The following DHX32 variants were observed in gnomAD, a reference collection of about 807,000 sequenced individuals.
DHX32 encodes putative pre-mRNA-splicing factor ATP-dependent RNA helicase DHX32.
DHX32 carries 51 observed loss-of-function variants against 70.0 expected under a neutral mutation model. The observed-to-expected ratio is 0.73, with a 90% CI of 0.58 to 0.92. The LOEUF is 0.92. DHX32 is among the 40% of genes least tolerant of loss of function. The pLI is 0.00. For missense variants in DHX32, 762 were observed against 891.8 expected, an observed-to-expected ratio of 0.85 and a Z score of 1.85; for synonymous variants, 310 against 315.3, an observed-to-expected ratio of 0.98 and a Z score of 0.18.
chr10:125,893,952 AATAAGAAAAAGACTAC>A, intron 1 of DHX32, among the ~76,000 whole-genome samples: 1 of 152,328 alleles, frequency 6.6e-6, no homozygotes, highest in African/African-American at 2.4e-5. Flanking sequence ...AAGAGATTTA[AATAAGAAAAAGACTAC>A]ATCTGTCTCT....
At chr10:125,839,289 T>C (rs1001975237) in intron 8 of DHX32, 101 bp from the exon 9 acceptor site, 5 of 1,259,332 alleles carry the variant, frequency 4.0e-6, no homozygotes, top group Non-Finnish European at 5.5e-6. Context: ...TGCTCTCCTC[T>C]CCTACAAAGG....
intron 1 of DHX32, among the ~76,000 whole-genome samples, chr10:125,875,382 A>G (rs1057328697): frequency 6.6e-6 from 1 of 152,218 alleles, no homozygotes; most frequent in Non-Finnish European, 1.5e-5. Flanking sequence ...GGAACATCTT[A>G]CTGAGCCAGA....
upstream of DHX32, chr10:125,896,474 C>T (rs1214194133): frequency 6.8e-5 from 81 of 1,187,232 alleles, no homozygotes; most frequent in African/African-American, 4.8e-5. Flanking sequence ...CGCGCGGGTC[C>T]TCACGCGCTC....
chr10:125,875,212 CTG>C (rs1944277363), intron 1 of DHX32, among the ~76,000 whole-genome samples: 1 of 151,622 alleles, frequency 6.6e-6, no homozygotes, highest in South Asian at 2.1e-4. Flanking sequence ...GAATGAAACA[CTG>C]TCTCAAAAAA....
chr10:125,851,935 A>AG (rs983906846), intron 6 of DHX32, among the ~76,000 whole-genome samples: 3 of 151,502 alleles, frequency 2.0e-5, no homozygotes, highest in African/African-American at 7.3e-5. Context: ...AAAAAAAAAA[A>AG]AAAAAAGAAA....
At chr10:125,860,751 C>CTTT (rs1944181699) in intron 2 of DHX32, among the ~76,000 whole-genome samples, 3 of 80,282 alleles carry the variant, frequency 3.7e-5, no homozygotes, top group South Asian at 4.7e-4. Flanking sequence ...AAACCAATCC[C>CTTT]ATTTTTTTTT....
At chr10:125,867,984 C>A (rs1038145467) in intron 1 of DHX32, among the ~76,000 whole-genome samples, 3 of 151,946 alleles carry the variant, frequency 2.0e-5, no homozygotes, top group African/African-American at 7.3e-5. Context: ...TAACAAATAT[C>A]CAGATAAGCC....
upstream of DHX32, among the ~76,000 whole-genome samples, chr10:125,884,939 T>C (rs1053415470): frequency 6.6e-6 from 1 of 152,174 alleles, no homozygotes; most frequent in African/African-American, 2.4e-5. Context: ...TAATAGGGCC[T>C]AAGTGGTCTC....
intron 4 of DHX32, chr10:125,853,108 A>G: frequency 6.4e-7 from 1 of 1,568,458 alleles, no homozygotes; most frequent in Non-Finnish European, 8.7e-7. Context: ...TGGCACTAAC[A>G]ATGATTTTCC....
rs370241166 is a variant in DHX32 at position 125,849,760 on chromosome 10, C to T, written c.1351+2533G>A. On this transcript the variant is annotated intron_variant, in intron 6 of 10. Transcript: ENST00000284690. ...GTTATATATAGTATAGTAAATGTTA[C>T]GTTAACATTTAAAGATCATTTTGTA... 6.0e-4 allele frequency among the ~76,000 whole-genome samples: 91 copies of T among 152,244 alleles called. 1 individual carries two copies. The South Asian group carries it at 0.011, about 18-fold the overall frequency.
rs771129908 is a variant in DHX32, at chr10:125,841,006, G to GA, written c.1544-11dup. 1 of 1,589,610 alleles carries GA rather than the reference G, an allele frequency of 6.3e-7. No homozygotes were observed. Among genetic ancestry groups the GA allele is most frequent in the African/African-American group, 1.4e-5 (1 of 73,908 alleles). ...GAAAAGCAATTTGGAGCTTCAAAATGAAAAAGGTCACATGGTTAGCAATAA... is the reference window on the plus strand; with the variant it reads ...GAAAAGCAATTTGGAGCTTCAAAATGAAAAAAGGTCACATGGTTAGCAATAA... On this transcript the variant is annotated splice_polypyrimidine_tract_variant and intron_variant, in intron 7 of 10. Coordinates refer to ENST00000284690, the MANE Select transcript of DHX32 (RefSeq NM_018180.3).
At chr10:125,849,283 A>G (rs1339984553) in intron 6 of DHX32, among the ~76,000 whole-genome samples, 2 of 152,188 alleles carry the variant, frequency 1.3e-5, no homozygotes, top group Non-Finnish European at 1.5e-5. Flanking sequence ...ATCAACTTAA[A>G]TGATAAGCCA....
intron 3 of DHX32, among the ~76,000 whole-genome samples, chr10:125,856,938 TAGTG>T (rs1452180746): frequency 6.6e-6 from 1 of 152,196 alleles, no homozygotes; most frequent in African/African-American, 2.4e-5. Context: ...CTAGGCAACA[TAGTG>T]AGGTCCTGTC....
In DHX32 at chr10:125,853,139, C is replaced by A. The variant is rs148905052; in HGVS notation, c.1093-497G>T. ...TTTCCTTACAGGTGGTTCACGGGGG[C>A]AAGTGACAGCCCTGGTTTCTCTGAA... On this transcript the variant is annotated intron_variant, in intron 4 of 10. Coordinates refer to ENST00000284690, the MANE Select transcript of DHX32 (RefSeq NM_018180.3). 8.7e-6 allele frequency: 14 copies of A among 1,609,278 alleles called. No individual in the cohort carries two copies. The East Asian group carries it at 3.1e-4, about 36-fold the overall frequency.
chr10:125,880,409 A>T, intron 1 of DHX32, 134 bp downstream of exon 1: 2 of 924,364 alleles, frequency 2.2e-6, no homozygotes, highest in Non-Finnish European at 3.1e-6. Flanking sequence ...TACGTGATTT[A>T]ATTATTTTAT....
rs555739979 is a variant in DHX32 at position 125,844,143 on chromosome 10, A to G, written c.1352-2209T>C. On this transcript the variant is annotated intron_variant, in intron 6 of 10. Transcript: ENST00000284690. The stretch of plus-strand genomic sequence containing the variant: ...ATAAACAGATGGGCTATTCAGAAAA[A>G]AAGTTCAAGAGTTCTATCAGTGAGG... Among the ~76,000 whole-genome samples, 3 of 152,332 alleles carry G rather than the reference A, an allele frequency of 2.0e-5. No individual in the cohort carries two copies. The South Asian group carries it at 6.2e-4, about 32-fold the overall frequency.
chr10:125,871,426 A>C (rs1216760680), intron 1 of DHX32, among the ~76,000 whole-genome samples: 1 of 152,258 alleles, frequency 6.6e-6, no homozygotes, highest in African/African-American at 2.4e-5. Context: ...ATAGTTGAGC[A>C]GAAGTCACAA....
intron 1 of DHX32, among the ~76,000 whole-genome samples, chr10:125,870,671 T>C (rs979792314): frequency 6.6e-6 from 1 of 152,030 alleles, no homozygotes; most frequent in African/African-American, 2.4e-5. Context: ...ACCCCATCTC[T>C]ATTAAAAATA....
intron 1 of DHX32, among the ~76,000 whole-genome samples, chr10:125,889,129 TC>T (rs1944355732): frequency 6.6e-6 from 1 of 152,216 alleles, no homozygotes; most frequent in Non-Finnish European, 1.5e-5. Context: ...TATATTGAAA[TC>T]TTTGGAACCA....
Sources: gnomAD v4.1 joint callset for allele counts (sites outside exome capture counted in the v4.1 genomes callset) on GRCh38, gnomAD v4.1.1 for gene constraint, MANE v1.5 for transcripts, NCBI Gene and HGNC (gene_info 2026-07-23, HGNC 2026-07-21) for gene names.